Variants in CDH13 observed in about 807,000 individuals in gnomAD.
CDH13 encodes the protein cadherin-13.
CDH13 carries 24 observed loss-of-function variants against 63.8 expected under a neutral mutation model. That is an observed-to-expected ratio of 0.38 (90% CI 0.27 to 0.53). The LOEUF (loss-of-function observed/expected upper bound fraction) is 0.53. Ranked by LOEUF, CDH13 falls within the 20% of genes least tolerant of loss-of-function variation. The probability of loss-of-function intolerance (pLI) is 0.85; values close to 1 mark genes in which losing one functional copy is unlikely to be tolerated. For missense variants in CDH13, 1,049 were observed against 903.1 expected (o/e 1.16, Z -2.07); for synonymous variants, 503 against 355.3 (o/e 1.42, Z -4.67).
At chr16:83,648,486 C>A (rs888717111) in intron 8 of CDH13, among the ~76,000 whole-genome samples, 4 of 152,124 alleles carry the variant, frequency 2.6e-5, no homozygotes, top group Non-Finnish European at 5.9e-5. Context: ...TGCCACCCCT[C>A]CTCCCTCCCA....
intron 2 of CDH13, among the ~76,000 whole-genome samples, chr16:82,906,785 G>A (rs1026488077): frequency 3.9e-5 from 6 of 152,116 alleles, no homozygotes; most frequent in African/African-American, 1.4e-4. Context: ...GATGCTGGTG[G>A]CTCCTGGCAG....
At chr16:83,261,724 A>G (rs749037747) in intron 5 of CDH13, among the ~76,000 whole-genome samples, 30 of 147,260 alleles carry the variant, frequency 2.0e-4, no homozygotes, top group Non-Finnish European at 3.6e-4. Flanking sequence ...TTTTTTGATG[A>G]CAGAAAGTTA....
At chr16:83,662,740 G>C (rs1454980237) in intron 8 of CDH13, among the ~76,000 whole-genome samples, 2 of 152,226 alleles carry the variant, frequency 1.3e-5, no homozygotes, top group African/African-American at 4.8e-5. Context: ...CCACTCACCT[G>C]ATGAGATCAG....
At chr16:82,730,985 C>T (rs961840499) in intron 1 of CDH13, among the ~76,000 whole-genome samples, 2 of 152,160 alleles carry the variant, frequency 1.3e-5, no homozygotes, top group Non-Finnish European at 2.9e-5. Context: ...TTACTATTTT[C>T]TATGCTTATT....
At chr16:82,795,820 C>T (rs906477014) in intron 1 of CDH13, among the ~76,000 whole-genome samples, 9 of 152,110 alleles carry the variant, frequency 5.9e-5, no homozygotes, top group African/African-American at 2.2e-4. Flanking sequence ...TGATGAGCTG[C>T]CAGGCTCAGT....
intron 8 of CDH13, among the ~76,000 whole-genome samples, chr16:83,631,894 A>G (rs1910810127): frequency 6.6e-6 from 1 of 152,200 alleles, no homozygotes; most frequent in Non-Finnish European, 1.5e-5. Context: ...CATGGATCCC[A>G]GGTGCCCCTG....
At chr16:83,794,742 T>G (rs939998871) in intron 13 of CDH13, among the ~76,000 whole-genome samples, 1 of 152,062 alleles carries the variant, frequency 6.6e-6, no homozygotes, top group Non-Finnish European at 1.5e-5. Flanking sequence ...GACAAAGACA[T>G]AAGGCTCATT....
intron 8 of CDH13, among the ~76,000 whole-genome samples, chr16:83,659,642 C>T (rs1598428082): frequency 6.6e-6 from 1 of 152,144 alleles, no homozygotes; most frequent in Non-Finnish European, 1.5e-5. Context: ...TGTTTTAAGG[C>T]TTTCAGGTGT....
intron 1 of CDH13, among the ~76,000 whole-genome samples, chr16:82,837,784 T>C (rs1030362642): frequency 1.3e-5 from 2 of 152,098 alleles, no homozygotes; most frequent in African/African-American, 4.8e-5. Context: ...CATTCCTGAC[T>C]CCCGGAAGAA....
chr16:82,678,159 G>T (rs1914142561), intron 1 of CDH13, among the ~76,000 whole-genome samples: 1 of 152,014 alleles, frequency 6.6e-6, no homozygotes, highest in Non-Finnish European at 1.5e-5. Context: ...GAATGTTGTG[G>T]CCAAACATGC....
intron 5 of CDH13, among the ~76,000 whole-genome samples, chr16:83,278,187 C>T (rs941839404): frequency 1.3e-5 from 2 of 152,138 alleles, no homozygotes; most frequent in African/African-American, 2.4e-5. Flanking sequence ...GTAGCGGGAA[C>T]CAAATCCATC....
chr16:82,781,312 A>T (rs2035743307), intron 1 of CDH13, among the ~76,000 whole-genome samples: 1 of 152,176 alleles, frequency 6.6e-6, no homozygotes, highest in Middle Eastern at 3.2e-3. Context: ...AATGCAGACC[A>T]CAAGGGTCCT....
chr16:82,938,043 GAAA>G (rs1161561690), intron 2 of CDH13, among the ~76,000 whole-genome samples: 2 of 152,044 alleles, frequency 1.3e-5, no homozygotes, highest in African/African-American at 4.8e-5. Context: ...GAAAGAAGAA[GAAA>G]AAGAAAAAGC....
At chr16:82,807,609 A>G (rs969725922) in intron 1 of CDH13, among the ~76,000 whole-genome samples, 1 of 152,032 alleles carries the variant, frequency 6.6e-6, no homozygotes, top group Non-Finnish European at 1.5e-5. Flanking sequence ...AACCATTTAC[A>G]CTCGCTCTTG....
Position 83,500,225 on chromosome 16 carries a change from TTTCTTCTCCTTCTTCTTCTTCTTC to T in CDH13, c.960+13578_960+13601del, listed in dbSNP as rs1258537704. Among the ~76,000 whole-genome samples, 81 of 31,568 alleles carry T rather than the reference TTTCTTCTCCTTCTTCTTCTTCTTC, an allele frequency of 2.6e-3. 19 individuals carry two copies. In the Middle Eastern group the frequency reaches 0.056, roughly 22 times the overall value. The allele number at this position is 31,568 out of a possible 152,430, so 20.7% of individuals were successfully genotyped here. A position where few individuals can be genotyped will look rare whatever the true frequency, so the allele number is the denominator to read the frequency against. On this transcript the variant is annotated intron_variant, in intron 7 of 13. Transcript: ENST00000567109. ...ACATTTGAATTCAGACACTAGTTTC[TTTCTTCTCCTTCTTCTTCTTCTTC>T]TTCTTCTTCTTCTTCTTCTTCTTCT... is the stretch of plus-strand genomic sequence containing the variant.
intron 6 of CDH13, among the ~76,000 whole-genome samples, chr16:83,449,179 A>G (rs1012651542): frequency 8.5e-5 from 13 of 152,208 alleles, no homozygotes; most frequent in East Asian, 3.9e-4. Flanking sequence ...CGTTGCCACA[A>G]TGATCTATAA....
intron 1 of CDH13, among the ~76,000 whole-genome samples, chr16:82,709,927 T>C (rs1037530805): frequency 7.2e-5 from 11 of 152,020 alleles, no homozygotes; most frequent in Non-Finnish European, 1.0e-4. Context: ...AGAAGGGCTC[T>C]AGATGAGGAT....
At chr16:82,652,208 C>T (rs1269695542) in intron 1 of CDH13, among the ~76,000 whole-genome samples, 3 of 152,168 alleles carry the variant, frequency 2.0e-5, no homozygotes, top group Non-Finnish European at 4.4e-5. Context: ...TCTTGTGCTT[C>T]AGAAAATCAT....
At position 82,777,884 on chromosome 16, in the gene CDH13, A is replaced by G. The variant is rs554240848; in HGVS notation, c.46-80478A>G. 2.0e-5 allele frequency among the ~76,000 whole-genome samples: 3 copies of G among 152,302 alleles called. No homozygotes were observed. In the South Asian group the frequency reaches 6.2e-4, roughly 32 times the overall value. On this transcript the variant is annotated intron_variant, in intron 1 of 13. Coordinates refer to ENST00000567109, the MANE Select transcript of CDH13 (RefSeq NM_001257.5). ...AATTCCTTGCCTTTTGGACAGCTCC[A>G]GAGGGAAGCTCACAACAGGACAACT...
Sources: allele counts gnomAD v4.1 joint callset (sites outside exome capture counted in the v4.1 genomes callset), GRCh38; gene constraint gnomAD v4.1.1; transcripts MANE v1.5; gene names NCBI Gene and HGNC (gene_info 2026-07-23, HGNC 2026-07-21).